The following UCHL3 variants were observed in gnomAD, a reference collection of about 807,000 sequenced individuals.
UCHL3 encodes the protein ubiquitin carboxyl-terminal hydrolase isozyme L3.
UCHL3 carries 22 observed loss-of-function variants against 35.8 expected under a neutral mutation model. The ratio of observed to expected loss-of-function variants is 0.61; its 90% CI spans 0.44 to 0.88. The LOEUF (loss-of-function observed/expected upper bound fraction) is 0.88. Among genes scored for constraint, UCHL3 ranks in the 40% least tolerant of loss-of-function variants. UCHL3 has a pLI of 0.00. For synonymous variants in UCHL3, 90 were observed against 92.8 expected (o/e 0.97, Z 0.17); for missense variants, 229 against 276.9 (o/e 0.83, Z 1.23).
chr13:75,605,238 T>C (rs2032904170), intron 8 of UCHL3, among the ~76,000 whole-genome samples: 1 of 152,198 alleles, frequency 6.6e-6, no homozygotes, highest in Non-Finnish European at 1.5e-5. Flanking sequence ...CCAGGCGTAG[T>C]GGCTCACGGC....
chr13:75,602,435 G>A (rs1011971617), intron 7 of UCHL3, among the ~76,000 whole-genome samples: 5 of 152,206 alleles, frequency 3.3e-5, no homozygotes, highest in Admixed American at 6.5e-5. Context: ...GGCACAGCCC[G>A]TTTGGACTGG....
chr13:75,572,603 C>T (rs2031895880), intron 6 of UCHL3, among the ~76,000 whole-genome samples: 1 of 152,046 alleles, frequency 6.6e-6, no homozygotes, highest in African/African-American at 2.4e-5. Context: ...CACATAAGTA[C>T]AACATATGTG....
chr13:75,560,940 T>A, intron 3 of UCHL3, 59 bp downstream of exon 3: 1 of 1,443,372 alleles, frequency 6.9e-7, no homozygotes, highest in Non-Finnish European at 9.2e-7. Context: ...TTATTCTGTC[T>A]TATTTTTTGA....
At chr13:75,599,205 A>G (rs2032718888) in intron 7 of UCHL3, among the ~76,000 whole-genome samples, 1 of 149,808 alleles carries the variant, frequency 6.7e-6, no homozygotes, top group Non-Finnish European at 1.5e-5. Context: ...TCCTGGGCTC[A>G]ATTGATCCTC....
chr13:75,583,419 G>A (rs761704103), intron 6 of UCHL3, among the ~76,000 whole-genome samples: 1 of 152,068 alleles, frequency 6.6e-6, no homozygotes, highest in Non-Finnish European at 1.5e-5. Flanking sequence ...CAAAAAGAAG[G>A]CTAAAATTAC....
rs1477982655 is a variant in UCHL3, at chr13:75,602,057, T to C, written c.551-2712T>C. On this transcript the variant is annotated intron_variant, in intron 7 of 8. Transcript: ENST00000377595. Reference sequence around the variant, plus strand: ...CCGGGAGGCAGAGCTTGCAGTGAGCTGAGATTGTGCCACTGTACTCTAGCC... The same window carrying C: ...CCGGGAGGCAGAGCTTGCAGTGAGCCGAGATTGTGCCACTGTACTCTAGCC... 1.1e-4 allele frequency among the ~76,000 whole-genome samples: 16 copies of C among 151,822 alleles called. 1 individual carries two copies. Among genetic ancestry groups the C allele is most frequent in the Admixed American group, 1.0e-3 (16 of 15,240 alleles).
chr13:75,554,221 C>T (rs1001611368), intron 2 of UCHL3, among the ~76,000 whole-genome samples: 2 of 152,086 alleles, frequency 1.3e-5, no homozygotes, highest in African/African-American at 4.8e-5. Flanking sequence ...ACCATCACAC[C>T]CGGCTAATTT....
At chr13:75,558,917 G>A (rs1464459255) in intron 2 of UCHL3, among the ~76,000 whole-genome samples, 1 of 152,038 alleles carries the variant, frequency 6.6e-6, no homozygotes, top group Non-Finnish European at 1.5e-5. Context: ...AAGCTTGCAG[G>A]AAGTGGAGAA....
At chr13:75,559,156 T>C (rs1306561600) in intron 2 of UCHL3, among the ~76,000 whole-genome samples, 6 of 149,838 alleles carry the variant, frequency 4.0e-5, no homozygotes, top group African/African-American at 1.5e-4. Flanking sequence ...TCTCCTGCCT[T>C]AGCCTCCCGA....
Position 75,566,798 on chromosome 13 carries a change from GAACAA to G in UCHL3, c.288_292del (p.Thr97TrpfsTer10), listed in dbSNP as rs2031698794. On this transcript the variant is annotated frameshift_variant, in exon 4 of 9. Coordinates refer to ENST00000377595, the MANE Select transcript of UCHL3 (RefSeq NM_006002.5). LOFTEE classifies it high-confidence loss of function. ...AAGCAAACAATCAGCAATGCCTGTG[GAACAA>G]TTGGACTGATTCATGCTATTGCAAA... 4 of 1,610,958 alleles carry G rather than the reference GAACAA, an allele frequency of 2.5e-6. No individual in the cohort carries two copies. The East Asian group carries it at 8.9e-5, about 36-fold the overall frequency.
At chr13:75,576,575 C>T (rs941260774) in intron 6 of UCHL3, among the ~76,000 whole-genome samples, 11 of 152,036 alleles carry the variant, frequency 7.2e-5, no homozygotes, top group African/African-American at 1.9e-4. Flanking sequence ...AGGATGGTCT[C>T]GATCTCCTGA....
intron 2 of UCHL3, among the ~76,000 whole-genome samples, chr13:75,552,470 A>C (rs898071039): frequency 3.9e-5 from 6 of 152,212 alleles, no homozygotes; most frequent in African/African-American, 1.4e-4. Flanking sequence ...GATGATGCCT[A>C]GTGTTGTATA....
rs559267710 is a variant in UCHL3, at chr13:75,602,829, A to G, written c.551-1940A>G. Among the ~76,000 whole-genome samples, 130 of 152,346 alleles carry G rather than the reference A, an allele frequency of 8.5e-4. 2 individuals carry two copies. In the South Asian group the frequency reaches 0.026, roughly 31 times the overall value. ...AAAAATCATAATTAATCTTTGTTCT[A>G]TACTGCTATTATAAAAATAGACTGT... On this transcript the variant is annotated intron_variant, in intron 7 of 8. Transcript: ENST00000377595.
chr13:75,587,605 T>C (rs960604958), intron 6 of UCHL3, among the ~76,000 whole-genome samples: 5 of 152,322 alleles, frequency 3.3e-5, no homozygotes, highest in African/African-American at 9.6e-5. Context: ...AGAGTATAAG[T>C]GCAGATGATA....
chr13:75,592,590 A>G (rs1220335764), intron 6 of UCHL3, among the ~76,000 whole-genome samples: 1 of 129,968 alleles, frequency 7.7e-6, no homozygotes, highest in African/African-American at 2.9e-5. Context: ...TCTTGTTTTT[A>G]GTGGAATAAC....
chr13:75,556,733 A>T (rs1038597777), intron 2 of UCHL3, among the ~76,000 whole-genome samples: 1 of 152,238 alleles, frequency 6.6e-6, no homozygotes, highest in Non-Finnish European at 1.5e-5. Flanking sequence ...GGTTATAGAC[A>T]GTTTGAAAAC....
chr13:75,567,276 C>T lies in UCHL3; in HGVS notation c.390C>T (p.Ser130=). ...KKFLEESVSM[S]PEERARYLEN... Reference sequence around the variant, plus strand: ...TCCTGGAGGAATCTGTGTCAATGAGCCCTGAAGAACGAGCCAGATACCTGG... The same window carrying T: ...TCCTGGAGGAATCTGTGTCAATGAGTCCTGAAGAACGAGCCAGATACCTGG... Residue 130 remains serine, a synonymous_variant, in exon 5 of 9, where the codon AGC becomes AGT. Transcript: ENST00000377595. 1 of 1,614,080 alleles carries T rather than the reference C, an allele frequency of 6.2e-7. No homozygotes were observed. Among genetic ancestry groups the T allele is most frequent in the Non-Finnish European group, 8.5e-7 (1 of 1,180,002 alleles).
chr13:75,597,069 G>T (rs2032662793), intron 7 of UCHL3, among the ~76,000 whole-genome samples: 1 of 152,166 alleles, frequency 6.6e-6, no homozygotes, highest in African/African-American at 2.4e-5. Flanking sequence ...GCAATAATAG[G>T]TACATTACAA....
chr13:75,574,917 A>T (rs2031975518), intron 6 of UCHL3, among the ~76,000 whole-genome samples: 1 of 152,236 alleles, frequency 6.6e-6, no homozygotes, highest in African/African-American at 2.4e-5. Context: ...GGTAGTAGTT[A>T]GAACCCTGAG....
Sources: gnomAD v4.1 joint callset for allele counts (sites outside exome capture counted in the v4.1 genomes callset) on GRCh38, gnomAD v4.1.1 for gene constraint, MANE v1.5 for transcripts, NCBI Gene and HGNC (gene_info 2026-07-23, HGNC 2026-07-21) for gene names.